Variants in NAALADL2 observed in about 807,000 individuals in gnomAD.
The protein encoded by NAALADL2 is N-acetylated alpha-linked acidic dipeptidase like 2, also known as inactive N-acetylated-alpha-linked acidic dipeptidase-like protein 2.
In NAALADL2, 76 loss-of-function variants were observed where a neutral mutation model predicts 87.2. The ratio of observed to expected loss-of-function variants is 0.87; its 90% CI spans 0.72 to 1.05. The LOEUF (loss-of-function observed/expected upper bound fraction) is 1.05, where lower values mean the gene tolerates loss of function less well. Ranked by LOEUF, NAALADL2 falls within the 50% of genes least tolerant of loss-of-function variation. The probability of loss-of-function intolerance (pLI) is 0.00; values close to 1 mark genes in which losing one functional copy is unlikely to be tolerated. For missense variants in NAALADL2, 1,089 were observed against 945.8 expected (o/e 1.15, Z -1.99); for synonymous variants, 354 against 331.0 (o/e 1.07, Z -0.75).
At chr3:174,664,349 C>A (rs994511425) in intron 2 of NAALADL2, among the ~76,000 whole-genome samples, 14 of 152,120 alleles carry the variant, frequency 9.2e-5, no homozygotes, top group African/African-American at 3.1e-4. Flanking sequence ...GAAGGATAGA[C>A]AGATTGGGGC....
At chr3:175,784,135 G>A (rs938368993) in intron 13 of NAALADL2, among the ~76,000 whole-genome samples, 20 of 149,908 alleles carry the variant, frequency 1.3e-4, no homozygotes, top group African/African-American at 5.0e-4. Flanking sequence ...TTGCATCAAG[G>A]TTCATCAAGG....
At chr3:175,264,714 A>T (rs1751637430) in intron 4 of NAALADL2, among the ~76,000 whole-genome samples, 1 of 151,752 alleles carries the variant, frequency 6.6e-6, no homozygotes, top group Admixed American at 6.6e-5. Context: ...ATAATGTCAT[A>T]AGATGGTACA....
At chr3:174,840,729 C>T (rs886635514) in intron 3 of NAALADL2, among the ~76,000 whole-genome samples, 1 of 152,198 alleles carries the variant, frequency 6.6e-6, no homozygotes, top group East Asian at 1.9e-4. Flanking sequence ...GTTTATGTCT[C>T]TTTCTTCATT....
At chr3:175,408,417 A>T (rs1712837627) in intron 5 of NAALADL2, among the ~76,000 whole-genome samples, 1 of 152,068 alleles carries the variant, frequency 6.6e-6, no homozygotes, top group Non-Finnish European at 1.5e-5. Context: ...AGTGTATTAA[A>T]CAGAAATTTA....
intron 2 of NAALADL2, among the ~76,000 whole-genome samples, chr3:174,676,761 T>C (rs1468240611): frequency 6.6e-6 from 1 of 151,890 alleles, no homozygotes; most frequent in Non-Finnish European, 1.5e-5. Context: ...TTAAGTAACA[T>C]TTACCTCGAG....
chr3:175,147,580 A>T (rs1730923364), intron 2 of NAALADL2, among the ~76,000 whole-genome samples: 1 of 41,290 alleles, frequency 2.4e-5, no homozygotes, highest in Non-Finnish European at 5.2e-5. Context: ...TTGGTAGAAC[A>T]GTTTATTTTT....
intron 1 of NAALADL2, among the ~76,000 whole-genome samples, chr3:174,455,998 CAACTT>C (rs900529261): frequency 1.3e-5 from 2 of 152,130 alleles, no homozygotes; most frequent in South Asian, 2.1e-4. Flanking sequence ...AGCTGATAAA[CAACTT>C]AAGTGAAGTC....
chr3:174,544,567 C>G (rs112300155), intron 1 of NAALADL2, among the ~76,000 whole-genome samples: 6 of 115,146 alleles, frequency 5.2e-5, no homozygotes, highest in Admixed American at 9.4e-5. Context: ...TTTTTGTTTT[C>G]TTTTTTTTTT....
chr3:174,464,171 G>A (rs1051993282), intron 1 of NAALADL2, among the ~76,000 whole-genome samples: 1 of 151,718 alleles, frequency 6.6e-6, no homozygotes, highest in African/African-American at 2.4e-5. Context: ...ATTTTCTTTG[G>A]TTTGGAAACT....
At chr3:175,610,702 A>G (rs193227549) in intron 10 of NAALADL2, among the ~76,000 whole-genome samples, 1 of 152,124 alleles carries the variant, frequency 6.6e-6, no homozygotes, top group Non-Finnish European at 1.5e-5. Context: ...AGATTCAGAG[A>G]CATTGCATTC....
rs1388742255 is a variant in NAALADL2, at chr3:175,324,038, A to AAAAAAG, written c.940-113_940-108dup. On this transcript the variant is annotated intron_variant, in intron 4 of 13. Transcript: ENST00000454872. ...ATCTCAAAAAACAAACAAAAAAAAAAAAAAAGAAAAAGAAAAAGAAAAAGA... is the reference window on the plus strand; with the variant it reads ...ATCTCAAAAAACAAACAAAAAAAAAAAAAAAGAAAAAGAAAAAGAAAAAGAAAAAGA... The AAAAAAG allele has an allele frequency of 4.7e-5, 29 of 612,396 alleles. 1 individual carries two copies. Among genetic ancestry groups the AAAAAAG allele is most frequent in the Middle Eastern group, 5.0e-4 (1 of 2,020 alleles). 37.9% of individuals were successfully genotyped at this position (612,396 alleles called of 1,614,324 possible).
intron 1 of NAALADL2, among the ~76,000 whole-genome samples, chr3:175,055,837 C>T (rs1308463735): frequency 6.6e-6 from 1 of 152,204 alleles, no homozygotes; most frequent in Non-Finnish European, 1.5e-5. Flanking sequence ...CTCAGTCCTG[C>T]CATTGCCTGT....
intron 2 of NAALADL2, among the ~76,000 whole-genome samples, chr3:174,580,731 A>G (rs147921375): frequency 6.6e-6 from 1 of 152,120 alleles, no homozygotes; most frequent in East Asian, 1.9e-4. Flanking sequence ...GTATACCACA[A>G]TTTGTTTATC....
chr3:175,202,738 G>A (rs903409015), intron 2 of NAALADL2, among the ~76,000 whole-genome samples: 2 of 152,032 alleles, frequency 1.3e-5, no homozygotes, highest in Non-Finnish European at 2.9e-5. Context: ...GGACCATCAG[G>A]TCGGGCTGGG....
intron 1 of NAALADL2, among the ~76,000 whole-genome samples, chr3:174,872,511 A>G (rs1378289081): frequency 6.6e-6 from 1 of 152,198 alleles, no homozygotes; most frequent in Non-Finnish European, 1.5e-5. Flanking sequence ...ACTGAAGTAG[A>G]TTCATATTTA....
intron 1 of NAALADL2, among the ~76,000 whole-genome samples, chr3:175,085,200 G>T (rs1255559156): frequency 6.6e-6 from 1 of 152,162 alleles, no homozygotes; most frequent in Admixed American, 6.5e-5. Context: ...AAACTTGCAT[G>T]ATTGAGGGCA....
chr3:175,212,867 T>A (rs906680415), intron 2 of NAALADL2, among the ~76,000 whole-genome samples: 23 of 152,154 alleles, frequency 1.5e-4, no homozygotes, highest in South Asian at 4.1e-4. Context: ...GTTAAAGCTT[T>A]ACGAGCCAGA....
chr3:174,939,937 C>T (rs1488002339), intron 1 of NAALADL2, among the ~76,000 whole-genome samples: 1 of 152,074 alleles, frequency 6.6e-6, no homozygotes, highest in Admixed American at 6.6e-5. Context: ...GATGTAGAAT[C>T]ATGTAATCTG....
At chr3:174,924,177 C>T (rs555514193) in intron 1 of NAALADL2, among the ~76,000 whole-genome samples, 82 of 151,852 alleles carry the variant, frequency 5.4e-4, no homozygotes, top group South Asian at 1.2e-3. Context: ...TCGTCATTTA[C>T]ATTAGGTATG....
Sources: allele counts gnomAD v4.1 joint callset (sites outside exome capture counted in the v4.1 genomes callset), GRCh38; gene constraint gnomAD v4.1.1; transcripts MANE v1.5; gene names NCBI Gene and HGNC (gene_info 2026-07-23, HGNC 2026-07-21).